CBFA2T2: variants seen among roughly 807,000 people sequenced by gnomAD.
CBFA2T2 encodes the protein CBFA2/RUNX1 partner transcriptional co-repressor 2.
CBFA2T2 carries 11 observed loss-of-function variants against 62.2 expected under a neutral mutation model. The observed-to-expected ratio is 0.18, with a 90% CI of 0.11 to 0.29. CBFA2T2 has a LOEUF of 0.29. CBFA2T2 is among the 10% of genes least tolerant of loss of function. CBFA2T2 has a pLI of 1.00. For missense variants in CBFA2T2, 592 were observed against 774.1 expected, an observed-to-expected ratio of 0.76 and a Z score of 2.79; for synonymous variants, 295 against 287.5, an observed-to-expected ratio of 1.03 and a Z score of -0.27.
intron 1 of CBFA2T2, among the ~76,000 whole-genome samples, chr20:33,580,836 G>A (rs1429754177): frequency 6.6e-6 from 1 of 152,098 alleles, no homozygotes. Context: ...CCTGGGTAAT[G>A]GAATGAGCCC....
intron 1 of CBFA2T2, among the ~76,000 whole-genome samples, chr20:33,558,825 G>C (rs981509110): frequency 2.6e-5 from 4 of 151,338 alleles, no homozygotes; most frequent in African/African-American, 2.5e-5. Flanking sequence ...CAACTGTTTG[G>C]GGGGGCGGCG....
intron 1 of CBFA2T2, among the ~76,000 whole-genome samples, chr20:33,593,892 C>T (rs1479019443): frequency 3.3e-5 from 5 of 152,178 alleles, no homozygotes; most frequent in African/African-American, 7.2e-5. Flanking sequence ...GGGCCCCCAA[C>T]GGTCCCAGGA....
chr20:33,575,595 GTCTT>G (rs1191508930), intron 1 of CBFA2T2, among the ~76,000 whole-genome samples: 2 of 152,052 alleles, frequency 1.3e-5, no homozygotes, highest in Non-Finnish European at 2.9e-5. Flanking sequence ...GAGTTATAGA[GTCTT>G]TCTTAATAGG....
intron 1 of CBFA2T2, among the ~76,000 whole-genome samples, chr20:33,515,073 G>C (rs2011576268): frequency 6.6e-6 from 1 of 151,768 alleles, no homozygotes; most frequent in African/African-American, 2.4e-5. Flanking sequence ...TGTTGGCCGG[G>C]CTTGGTGGCT....
At chr20:33,514,212 T>TTG (rs1231762396) in intron 1 of CBFA2T2, among the ~76,000 whole-genome samples, 3 of 120,988 alleles carry the variant, frequency 2.5e-5, no homozygotes, top group East Asian at 2.6e-4. Flanking sequence ...CTTTGTTTTT[T>TTG]TTTTTTTTTT....
chr20:33,513,331 A>G (rs369158961), intron 1 of CBFA2T2, among the ~76,000 whole-genome samples: 1 of 151,122 alleles, frequency 6.6e-6, no homozygotes, highest in Non-Finnish European at 1.5e-5. Context: ...TGCTGCTTTC[A>G]TAGACCGTAA....
chr20:33,542,094 G>A (rs1388808690), intron 1 of CBFA2T2, among the ~76,000 whole-genome samples: 1 of 152,200 alleles, frequency 6.6e-6, no homozygotes, highest in Non-Finnish European at 1.5e-5. Flanking sequence ...ACTTATTAAA[G>A]TTTGGATTCC....
intron 10 of CBFA2T2, 133 bp from the exon 11 acceptor site, chr20:33,644,214 A>T: frequency 1.1e-6 from 1 of 870,948 alleles, no homozygotes; most frequent in South Asian, 1.7e-5. Context: ...TAGAGGGCGG[A>T]GTTGACCACA....
chr20:33,579,572 G>A (rs1037627810), intron 1 of CBFA2T2, among the ~76,000 whole-genome samples: 1 of 71,808 alleles, frequency 1.4e-5, no homozygotes, highest in Admixed American at 1.6e-4. Flanking sequence ...TTTTTTTTTT[G>A]TATGGAGTGA....
At chr20:33,631,370 A>G (rs2016443752) in intron 8 of CBFA2T2, among the ~76,000 whole-genome samples, 1 of 152,132 alleles carries the variant, frequency 6.6e-6, no homozygotes, top group Admixed American at 6.6e-5. Context: ...GGTCTCCCTC[A>G]CTTTCTGAAC....
At chr20:33,559,488 G>T (rs146382224) in intron 1 of CBFA2T2, among the ~76,000 whole-genome samples, 1 of 151,020 alleles carries the variant, frequency 6.6e-6, no homozygotes, top group Non-Finnish European at 1.5e-5. Context: ...TGTGATTTTT[G>T]TTGTTGTTGT....
Position 33,566,134 on chromosome 20 carries a change from A to T in CBFA2T2, c.35-40822A>T, listed in dbSNP as rs1162601592. 5.9e-5 allele frequency among the ~76,000 whole-genome samples: 9 copies of T among 152,180 alleles called. No individual in the cohort carries two copies. In the East Asian group the frequency reaches 1.7e-3, roughly 29 times the overall value. On this transcript the variant is annotated intron_variant, in intron 1 of 10. Coordinates refer to ENST00000342704, the MANE Select transcript of CBFA2T2 (RefSeq NM_001032999.3). ...TTGAGGGAAAGATAATGGGATGGCA[A>T]ATAGTCTCCCCAGCCCAGAGTTCAA...
intron 5 of CBFA2T2, among the ~76,000 whole-genome samples, chr20:33,624,110 A>G (rs568743643): frequency 1.3e-5 from 2 of 151,892 alleles, no homozygotes; most frequent in South Asian, 2.1e-4. Context: ...ACCTTTACTG[A>G]GATTAAAATT....
intron 8 of CBFA2T2, among the ~76,000 whole-genome samples, chr20:33,632,633 T>C (rs2016494036): frequency 1.3e-5 from 2 of 151,418 alleles, no homozygotes; most frequent in Admixed American, 6.6e-5. Context: ...CACACCCGGC[T>C]GAGTTTTTTT....
At chr20:33,527,189 TTGTG>T (rs2011911937) in intron 1 of CBFA2T2, among the ~76,000 whole-genome samples, 1 of 152,042 alleles carries the variant, frequency 6.6e-6, no homozygotes, top group Non-Finnish European at 1.5e-5. Context: ...TCACTTAATT[TTGTG>T]TGTGTATTTT....
chr20:33,642,009 A>T (rs1263297587), intron 10 of CBFA2T2, among the ~76,000 whole-genome samples: 2 of 152,088 alleles, frequency 1.3e-5, no homozygotes, highest in Admixed American at 6.5e-5. Context: ...GATGTGGTGA[A>T]ATTCCTTATT....
At chr20:33,581,480 TTG>T (rs3051490) in intron 1 of CBFA2T2, among the ~76,000 whole-genome samples, 6 of 150,432 alleles carry the variant, frequency 4.0e-5, no homozygotes, top group Non-Finnish European at 5.9e-5. Flanking sequence ...TTTTTGTTCT[TTG>T]TGTGTGTGTG....
At chr20:33,574,673 G>A (rs187580661) in intron 1 of CBFA2T2, among the ~76,000 whole-genome samples, 1 of 152,204 alleles carries the variant, frequency 6.6e-6, no homozygotes, top group Non-Finnish European at 1.5e-5. Flanking sequence ...TTCTTTTTAA[G>A]CAGGGAAGCC....
At chr20:33,599,129 G>T (rs1200226263) in intron 1 of CBFA2T2, among the ~76,000 whole-genome samples, 1 of 152,222 alleles carries the variant, frequency 6.6e-6, no homozygotes, top group African/African-American at 2.4e-5. Flanking sequence ...GGGCTCAGTG[G>T]CATGTGCCTG....
Sources: allele counts gnomAD v4.1 joint callset (sites outside exome capture counted in the v4.1 genomes callset), GRCh38; gene constraint gnomAD v4.1.1; transcripts MANE v1.5; gene names NCBI Gene and HGNC (gene_info 2026-07-23, HGNC 2026-07-21).